TAFA4: variants seen among roughly 807,000 people sequenced by gnomAD.
TAFA4 encodes TAFA chemokine like family member 4.
TAFA4 carries 20 observed loss-of-function variants against 21.1 expected under a neutral mutation model. The ratio of observed to expected loss-of-function variants is 0.95; its 90% confidence interval spans 0.67 to 1.38. The LOEUF (loss-of-function observed/expected upper bound fraction) is 1.38. TAFA4 is among the 40% of genes most tolerant of loss of function. The pLI, the probability that TAFA4 is intolerant of heterozygous loss-of-function variation, is 0.00. For synonymous variants in TAFA4, 71 were observed against 67.4 expected, an observed-to-expected ratio of 1.05 and a Z score of -0.26; for missense variants, 211 against 180.9, an observed-to-expected ratio of 1.17 and a Z score of -0.95.
chr3:68,820,641 G>A (rs187754742), intron 3 of TAFA4, among the ~76,000 whole-genome samples: 33 of 152,216 alleles, frequency 2.2e-4, no homozygotes, highest in Middle Eastern at 3.4e-3. Flanking sequence ...ACTCCAAGCT[G>A]GGCAGCAGAA....
intron 3 of TAFA4, among the ~76,000 whole-genome samples, chr3:68,873,481 G>A (rs2089512562): frequency 6.6e-6 from 1 of 151,958 alleles, no homozygotes; most frequent in African/African-American, 2.4e-5. Flanking sequence ...ATTAATAGCT[G>A]CTCTCTCCCT....
At chr3:68,792,689 T>C (rs935964516) in intron 3 of TAFA4, among the ~76,000 whole-genome samples, 1 of 152,188 alleles carries the variant, frequency 6.6e-6, no homozygotes, top group African/African-American at 2.4e-5. Context: ...TGTTCCCAAA[T>C]TGGTCTGCGG....
intron 1 of TAFA4, among the ~76,000 whole-genome samples, chr3:68,917,753 C>CAAAAAAAAAAAAAAA (rs55853026): frequency 2.9e-4 from 17 of 58,172 alleles, no homozygotes; most frequent in South Asian, 7.8e-4. Context: ...GACTCTGTCT[C>CAAAAAAAAAAAAAAA]AAAAAAAAAA....
rs149679924 is a variant in TAFA4, at chr3:68,813,662, A to G, written c.131-60644T>C. Reference sequence around the variant, plus strand: ...AGATCAACAAAAGGCTCTGAAATTGAGGCAATAATTAATAGCTTACCAACC... The same window carrying G: ...AGATCAACAAAAGGCTCTGAAATTGGGGCAATAATTAATAGCTTACCAACC... On this transcript the variant is annotated intron_variant, in intron 3 of 5. Transcript: ENST00000295569. Among the ~76,000 whole-genome samples the G allele has an allele frequency of 2.9e-3, 447 of 152,308 alleles. 2 individuals are homozygous for G. Among genetic ancestry groups the G allele is most frequent in the African/African-American group, 0.01 (426 of 41,560 alleles).
chr3:68,768,449 A>G (rs983039332), intron 3 of TAFA4, among the ~76,000 whole-genome samples: 3 of 152,212 alleles, frequency 2.0e-5, no homozygotes, highest in Non-Finnish European at 4.4e-5. Flanking sequence ...ACAAAAAATA[A>G]CAAATGCATG....
At chr3:68,785,645 C>T (rs1408234837) in intron 3 of TAFA4, among the ~76,000 whole-genome samples, 2 of 152,250 alleles carry the variant, frequency 1.3e-5, no homozygotes, top group African/African-American at 4.8e-5. Flanking sequence ...GTCCGCACCT[C>T]TCCCTCCATA....
At chr3:68,819,045 G>C (rs983614378) in intron 3 of TAFA4, among the ~76,000 whole-genome samples, 8 of 152,128 alleles carry the variant, frequency 5.3e-5, no homozygotes, top group Non-Finnish European at 2.9e-5. Flanking sequence ...GGCCAAGGCA[G>C]GTGGATCACT....
At chr3:68,763,856 A>T (rs1702800674) in intron 3 of TAFA4, among the ~76,000 whole-genome samples, 1 of 149,246 alleles carries the variant, frequency 6.7e-6, no homozygotes, top group South Asian at 2.1e-4. Flanking sequence ...GGTCTTTAGT[A>T]TGTATGACAG....
In TAFA4 at chr3:68,732,910, A is replaced by G; in HGVS notation, c.*232T>C. On this transcript the variant is annotated 3_prime_UTR_variant, in exon 6 of 6. Transcript: ENST00000295569. ...TTGGAGGTATGCTCCTTGGGAATCC[A>G]GAGAGGATGTCAAATGGGTGGTGGC... The G allele has an allele frequency of 1.9e-6, 1 of 539,388 alleles. No homozygotes were observed. The highest frequency in any genetic ancestry group is 3.1e-5 in the South Asian group (1 of 32,644). 33.4% of individuals were successfully genotyped at this position (539,388 alleles called of 1,614,324 possible). A position where few individuals can be genotyped will look rare whatever the true frequency, so the allele number is the denominator to read the frequency against.
intron 3 of TAFA4, among the ~76,000 whole-genome samples, chr3:68,838,091 T>C (rs6549149): frequency 0.28 from 42,535 of 152,062 alleles, 6,788 homozygotes; most frequent in Non-Finnish European, 0.37. Context: ...ACTGTATGAC[T>C]ATAGTTAATA....
intron 3 of TAFA4, among the ~76,000 whole-genome samples, chr3:68,870,361 G>T (rs895958679): frequency 3.3e-5 from 5 of 151,968 alleles, no homozygotes; most frequent in African/African-American, 4.8e-5. Context: ...AAAAATTCAT[G>T]TGGAGCCATA....
chr3:68,777,206 G>A (rs1466542896), intron 3 of TAFA4, among the ~76,000 whole-genome samples: 1 of 151,882 alleles, frequency 6.6e-6, no homozygotes, highest in Non-Finnish European at 1.5e-5. Flanking sequence ...ATACACTATG[G>A]AATTTAAAGC....
intron 3 of TAFA4, among the ~76,000 whole-genome samples, chr3:68,850,098 CCCT>C (rs1704908972): frequency 6.6e-6 from 1 of 152,128 alleles, no homozygotes; most frequent in African/African-American, 2.4e-5. Flanking sequence ...AGAATCTATA[CCCT>C]CCTCTTCCTC....
At chr3:68,883,602 G>T (rs57844364) in intron 2 of TAFA4, among the ~76,000 whole-genome samples, 1,774 of 152,228 alleles carry the variant, frequency 0.012, 31 homozygotes, top group African/African-American at 0.041. Flanking sequence ...GGCAATAATT[G>T]AATGAAATAT....
chr3:68,752,790 A>G, intron 4 of TAFA4, 73 bp downstream of exon 4: 1 of 1,597,624 alleles, frequency 6.3e-7, no homozygotes, highest in Non-Finnish European at 8.6e-7. Context: ...TTGCAAAGAC[A>G]GTAAAGTAGG....
At chr3:68,785,053 G>T (rs1243889674) in intron 3 of TAFA4, among the ~76,000 whole-genome samples, 2 of 151,210 alleles carry the variant, frequency 1.3e-5, no homozygotes, top group Non-Finnish European at 2.9e-5. Context: ...AGACATAAAG[G>T]TTCTCCAAGT....
intron 1 of TAFA4, among the ~76,000 whole-genome samples, chr3:68,894,365 GC>G (rs1211107705): frequency 6.6e-6 from 1 of 152,078 alleles, no homozygotes; most frequent in Non-Finnish European, 1.5e-5. Context: ...TTGCCATGTT[GC>G]CCAGGCTGGT....
chr3:68,779,916 A>G (rs1021091714), intron 3 of TAFA4, among the ~76,000 whole-genome samples: 3 of 152,096 alleles, frequency 2.0e-5, no homozygotes, highest in African/African-American at 7.2e-5. Context: ...AGCTGCAGAC[A>G]CTCAATGCCA....
chr3:68,739,300 G>A, intron 4 of TAFA4, 101 bp from the exon 5 acceptor site: 2 of 1,374,288 alleles, frequency 1.5e-6, no homozygotes, highest in Admixed American at 4.3e-5. Context: ...TTCAAAGATT[G>A]CTATTAAATT....
Sources: allele counts gnomAD v4.1 joint callset (sites outside exome capture counted in the v4.1 genomes callset), GRCh38; gene constraint gnomAD v4.1.1; transcripts MANE v1.5; gene names NCBI Gene and HGNC (gene_info 2026-07-23, HGNC 2026-07-21).